Variants in PPP1CB observed in about 807,000 individuals in gnomAD.
The protein encoded by PPP1CB is serine/threonine-protein phosphatase PP1-beta catalytic subunit.
A neutral mutation model predicts 43.7 loss-of-function variants in PPP1CB; 2 were observed. That is an observed-to-expected ratio of 0.05 (90% CI 0.02 to 0.14). The LOEUF (loss-of-function observed/expected upper bound fraction) is 0.14. Ranked by LOEUF, PPP1CB falls within the 10% of genes least tolerant of loss-of-function variation. PPP1CB has a pLI of 1.00. For synonymous variants in PPP1CB, 136 were observed against 135.6 expected (o/e 1.00, Z -0.02); for missense variants, 84 against 398.0 (o/e 0.21, Z 6.71).
chr2:28,794,532 T>C (rs1317128354), intron 7 of PPP1CB, among the ~76,000 whole-genome samples: 2 of 151,804 alleles, frequency 1.3e-5, no homozygotes, highest in Non-Finnish European at 2.9e-5. Context: ...CTACTAAAAA[T>C]ACAAAAAAAT....
At chr2:28,780,084 C>CTTTTTTTTTTTTTTTTTTTTTTTTTTT (rs10559224) in intron 3 of PPP1CB, among the ~76,000 whole-genome samples, 1 of 131,796 alleles carries the variant, frequency 7.6e-6, no homozygotes, top group Admixed American at 8.4e-5. Context: ...TCTTTTCTTT[C>CTTTTTTTTTTTTTTTTTTTTTTTTTTT]TTTTTTTTTT....
rs1458696275 is a variant in PPP1CB, at chr2:28,799,672, T to G, written c.*369T>G. ...ATGTGGTTTTAGTGTTGCTTGGTTG[T>G]TTAATTATTTTGAGCTTGTTTTGTT... On this transcript the variant is annotated 3_prime_UTR_variant, in exon 8 of 8. Transcript: ENST00000395366. 1.2e-5 allele frequency: 2 copies of G among 167,612 alleles called. No homozygotes were observed. Among genetic ancestry groups the G allele is most frequent in the Non-Finnish European group, 2.6e-5 (2 of 78,376 alleles). The allele number at this position is 167,612 out of a possible 1,614,324, so 10.4% of individuals were successfully genotyped here.
chr2:28,780,118 C>T (rs1475771958), intron 3 of PPP1CB, among the ~76,000 whole-genome samples: 2 of 130,076 alleles, frequency 1.5e-5, no homozygotes, highest in African/African-American at 2.8e-5. Flanking sequence ...GACGGAGTCT[C>T]GCTCTTCTTG....
intron 3 of PPP1CB, 139 bp from the exon 4 acceptor site, chr2:28,781,599 C>T: frequency 1.6e-6 from 1 of 627,994 alleles, no homozygotes. Context: ...AACATCTTTG[C>T]ATTGTAGAAA....
At chr2:28,798,682 A>T (rs573246721) in intron 7 of PPP1CB, among the ~76,000 whole-genome samples, 1 of 152,142 alleles carries the variant, frequency 6.6e-6, no homozygotes, top group South Asian at 2.1e-4. Context: ...GAGTTAGAGG[A>T]TGTGGAGAGC....
chr2:28,769,303 C>T (rs1374977133), intron 1 of PPP1CB, among the ~76,000 whole-genome samples: 1 of 152,172 alleles, frequency 6.6e-6, no homozygotes, highest in Non-Finnish European at 1.5e-5. Context: ...ATGGCGTGAT[C>T]TTGGCTAACT....
At position 28,753,768 on chromosome 2, in the gene PPP1CB, C is replaced by T. The variant is rs372760434; in HGVS notation, c.52+1592C>T. Among the ~76,000 whole-genome samples the T allele has an allele frequency of 5.1e-4, 77 of 152,214 alleles. 1 individual carries two copies. The highest frequency in any genetic ancestry group is 1.8e-3 in the African/African-American group (75 of 41,548). ...TTATTTTTTGAGACGGAGTCTCACT[C>T]TGTCGCCCAGGCTGGAGTGCAATGG... On this transcript the variant is annotated intron_variant, in intron 1 of 7. Coordinates refer to ENST00000395366, the MANE Select transcript of PPP1CB (RefSeq NM_002709.3).
chr2:28,785,148 C>T (rs1409454908), intron 5 of PPP1CB, among the ~76,000 whole-genome samples: 2 of 134,546 alleles, frequency 1.5e-5, no homozygotes, highest in African/African-American at 5.5e-5. Context: ...AACCTCGGCT[C>T]ACTGCAAGCT....
Position 28,799,671 on chromosome 2 carries a change from G to GT in PPP1CB, c.*371dup, listed in dbSNP as rs1454638842. On this transcript the variant is annotated 3_prime_UTR_variant, in exon 8 of 8. Coordinates refer to ENST00000395366, the MANE Select transcript of PPP1CB (RefSeq NM_002709.3). ...AATGTGGTTTTAGTGTTGCTTGGTT[G>GT]TTTAATTATTTTGAGCTTGTTTTGT... is the stretch of plus-strand genomic sequence containing the variant. 1 of 168,688 alleles carries GT rather than the reference G, an allele frequency of 5.9e-6. No individual in the cohort carries two copies. The allele number at this position is 168,688 out of a possible 1,614,324, so 10.4% of individuals were successfully genotyped here.
chr2:28,789,206 A>G (rs929612669), intron 6 of PPP1CB, among the ~76,000 whole-genome samples: 1 of 152,016 alleles, frequency 6.6e-6, no homozygotes, highest in African/African-American at 2.4e-5. Context: ...AAAAGAGGAA[A>G]TGTTTAGAAA....
chr2:28,764,433 C>G (rs1666734702), intron 1 of PPP1CB, among the ~76,000 whole-genome samples: 1 of 149,242 alleles, frequency 6.7e-6, no homozygotes, highest in South Asian at 2.1e-4. Context: ...GCACTCGAGC[C>G]TAGGCAACAG....
intron 1 of PPP1CB, among the ~76,000 whole-genome samples, chr2:28,766,908 C>T (rs951732067): frequency 1.1e-4 from 16 of 151,968 alleles, no homozygotes; most frequent in African/African-American, 2.4e-4. Flanking sequence ...GGTGAAACCC[C>T]GTCTCTACTA....
chr2:28,773,468 G>T (rs1666958017), intron 1 of PPP1CB, among the ~76,000 whole-genome samples: 1 of 152,206 alleles, frequency 6.6e-6, no homozygotes, highest in Non-Finnish European at 1.5e-5. Flanking sequence ...GGAAAGAATA[G>T]CTTCTCTTTT....
chr2:28,781,302 G>C (rs181447467), intron 3 of PPP1CB, among the ~76,000 whole-genome samples: 1 of 152,142 alleles, frequency 6.6e-6, no homozygotes, highest in East Asian at 1.9e-4. Flanking sequence ...GTTAAATCCC[G>C]CTGATTTAAC....
chr2:28,764,504 A>T (rs181612378), intron 1 of PPP1CB, among the ~76,000 whole-genome samples: 85 of 152,080 alleles, frequency 5.6e-4, no homozygotes, highest in African/African-American at 2.0e-3. Flanking sequence ...CCAATTGTAG[A>T]ATTTTTATTT....
chr2:28,782,870 A>T (rs773441707), intron 4 of PPP1CB: 13 of 152,210 alleles, frequency 8.5e-5, no homozygotes, highest in Non-Finnish European at 1.9e-4. Context: ...CGAGGTAATA[A>T]ATGGTTTATT....
rs147045223 is a variant in PPP1CB, at chr2:28,773,131, A to G, written c.53-3720A>G. 4.7e-3 allele frequency among the ~76,000 whole-genome samples: 710 copies of G among 152,304 alleles called. 5 individuals carry two copies. Among genetic ancestry groups the G allele is most frequent in the African/African-American group, 9.6e-3 (401 of 41,574 alleles). The stretch of plus-strand genomic sequence containing the variant: ...TGATCTGGATGATGGTTACTCAGGT[A>G]TATAGATAGTTTAAAATTCGTTGAG... On this transcript the variant is annotated intron_variant, in intron 1 of 7. Coordinates refer to ENST00000395366, the MANE Select transcript of PPP1CB (RefSeq NM_002709.3).
chr2:28,776,846 G>C lies in PPP1CB; in HGVS notation c.53-5G>C, dbSNP rs767756340. 1 of 1,592,602 alleles carries C rather than the reference G, an allele frequency of 6.3e-7. No individual in the cohort carries two copies. Among genetic ancestry groups the C allele is most frequent in the Non-Finnish European group, 8.6e-7 (1 of 1,165,684 alleles). Reference sequence around the variant, plus strand: ...AAACTGACTGTTTTATTTATCGTTTGTCAGTACGAGGATGTCGTCCAGGAA... The same window carrying C: ...AAACTGACTGTTTTATTTATCGTTTCTCAGTACGAGGATGTCGTCCAGGAA... On this transcript the variant is annotated splice_region_variant and splice_polypyrimidine_tract_variant and intron_variant, in intron 1 of 7. Coordinates refer to ENST00000395366, the MANE Select transcript of PPP1CB (RefSeq NM_002709.3).
In PPP1CB at chr2:28,753,009, A is replaced by G. The variant is rs180672986; in HGVS notation, c.52+833A>G. Among the ~76,000 whole-genome samples the G allele has an allele frequency of 5.3e-4, 80 of 152,330 alleles. No homozygotes were observed. The East Asian group carries it at 0.014, about 26-fold the overall frequency. On this transcript the variant is annotated intron_variant, in intron 1 of 7. Transcript: ENST00000395366. ...CCGGGCTCAAGTGTTCTTATTGAATAGTTTTATGTTGGTGGGAAGGCAAGG... is the reference window on the plus strand; with the variant it reads ...CCGGGCTCAAGTGTTCTTATTGAATGGTTTTATGTTGGTGGGAAGGCAAGG...
Sources: allele counts gnomAD v4.1 joint callset (sites outside exome capture counted in the v4.1 genomes callset), GRCh38; gene constraint gnomAD v4.1.1; transcripts MANE v1.5; gene names NCBI Gene and HGNC (gene_info 2026-07-23, HGNC 2026-07-21).